The following MYBPC2 variants were observed in gnomAD, a reference collection of about 807,000 sequenced individuals.
MYBPC2 encodes myosin binding protein C2.
MYBPC2 carries 122 observed loss-of-function variants against 137.0 expected under a neutral mutation model. The ratio of observed to expected loss-of-function variants is 0.89; its 90% CI spans 0.77 to 1.03. The LOEUF is 1.03. Ranked by LOEUF, MYBPC2 falls within the 50% of genes least tolerant of loss-of-function variation. The pLI, the probability that MYBPC2 is intolerant of heterozygous loss-of-function variation, is 0.00. For synonymous variants in MYBPC2, 626 were observed against 612.3 expected (o/e 1.02, Z -0.33); for missense variants, 1,500 against 1,534.4 (o/e 0.98, Z 0.37).
rs1420588849 is a variant in MYBPC2, at chr19:50,459,146, C to G, written c.2631C>G (p.Gly877=). 6.9e-6 allele frequency: 11 copies of G among 1,588,052 alleles called. No homozygotes were observed. The highest frequency in any genetic ancestry group is 8.5e-6 in the Non-Finnish European group (10 of 1,169,728). Residue 877 remains glycine, a synonymous_variant, in exon 23 of 28, where the codon GGC becomes GGG. Coordinates refer to ENST00000357701, the MANE Select transcript of MYBPC2 (RefSeq NM_004533.4). ...GGCCCCAGGTGGTGTGGACCAAGGG[C>G]GGGGCCCCGCTGGACACCTCCCGCG... is the stretch of plus-strand genomic sequence containing the variant. The part of the protein sequence containing the change: ...KPRPQVVWTK[G]GAPLDTSRVH...
At chr19:50,447,667 G>A (rs1405675112) in intron 12 of MYBPC2, among the ~76,000 whole-genome samples, 1 of 152,012 alleles carries the variant, frequency 6.6e-6, no homozygotes, top group Non-Finnish European at 1.5e-5. Flanking sequence ...AGACCAGCCT[G>A]GTCAACATGG....
chr19:50,452,464 C>CTGTG (rs796993049), intron 16 of MYBPC2, among the ~76,000 whole-genome samples: 5,956 of 137,980 alleles, frequency 0.043, 163 homozygotes, highest in Middle Eastern at 0.051. Context: ...ATCTATGTAT[C>CTGTG]TGTGTATGTA....
At chr19:50,454,485 G>C in intron 18 of MYBPC2, 116 bp downstream of exon 18, 1 of 902,042 alleles carries the variant, frequency 1.1e-6, no homozygotes, top group Non-Finnish European at 1.6e-6. Context: ...GAGTGCAGTG[G>C]CTCAATCTCG....
chr19:50,437,584 G>C, intron 6 of MYBPC2, 63 bp downstream of exon 6: 1 of 1,593,500 alleles, frequency 6.3e-7, no homozygotes, highest in Non-Finnish European at 8.5e-7. Flanking sequence ...CTTGGAAGGG[G>C]AAAAAGGGAG....
intron 15 of MYBPC2, 117 bp from the exon 16 acceptor site, chr19:50,451,747 A>T (rs2039860590): frequency 7.0e-7 from 1 of 1,437,990 alleles, no homozygotes; most frequent in African/African-American, 1.4e-5. Context: ...GCTTCAGGAC[A>T]TGGATCCCTG....
Position 50,455,264 on chromosome 19 carries a change from C to CTTTTAT in MYBPC2, c.2171_2172insTTTTAT (p.Pro724_Ser725insPheIle), listed in dbSNP as rs773518222. On this transcript the variant is annotated inframe_insertion, in exon 19 of 28. Transcript: ENST00000357701. Reference sequence around the variant, plus strand: ...GTCAATGCTATAGGGGTCTCCCAGCCCAGCATGAACACCAAGCCTTTTATG... The same window carrying CTTTTAT: ...GTCAATGCTATAGGGGTCTCCCAGCCTTTTATCAGCATGAACACCAAGCCTTTTATG... The CTTTTAT allele has an allele frequency of 2.5e-6, 4 of 1,613,750 alleles. No homozygotes were observed. The highest frequency in any genetic ancestry group is 3.4e-6 in the Non-Finnish European group (4 of 1,179,836).
At chr19:50,446,364 T>C (rs972234027) in intron 12 of MYBPC2, among the ~76,000 whole-genome samples, 2 of 147,646 alleles carry the variant, frequency 1.4e-5, no homozygotes, top group Non-Finnish European at 3.0e-5. Context: ...TACAAAAAAA[T>C]TAGCTGGGCA....
At chr19:50,440,674 A>C (rs1036686590) in intron 7 of MYBPC2, among the ~76,000 whole-genome samples, 2 of 151,160 alleles carry the variant, frequency 1.3e-5, no homozygotes, top group Non-Finnish European at 3.0e-5. Context: ...AAAAAAAAAA[A>C]AACCAAAAAA....
intron 15 of MYBPC2, 144 bp from the exon 16 acceptor site, chr19:50,451,720 G>T (rs894803351): frequency 1.9e-5 from 23 of 1,226,824 alleles, no homozygotes; most frequent in Non-Finnish European, 2.5e-5. Context: ...CTGGACTACT[G>T]GGTCTGAGGG....
intron 20 of MYBPC2, among the ~76,000 whole-genome samples, chr19:50,457,355 T>A (rs1455133412): frequency 6.6e-6 from 1 of 152,106 alleles, no homozygotes; most frequent in African/African-American, 2.4e-5. Context: ...CCCCAGCCCA[T>A]GGCCATAAAC....
chr19:50,433,014 C>A, intron 1 of MYBPC2, 42 bp downstream of exon 1: 1 of 1,554,676 alleles, frequency 6.4e-7, no homozygotes. Context: ...TGGGGCTCTT[C>A]TTTTCTGGAT....
intron 26 of MYBPC2, among the ~76,000 whole-genome samples, chr19:50,463,593 G>A (rs188760120): frequency 2.4e-4 from 37 of 152,274 alleles, no homozygotes; most frequent in Non-Finnish European, 7.3e-5. Flanking sequence ...GAAATTTCCT[G>A]TATGTTGGGG....
Position 50,440,853 on chromosome 19 carries a change from GC to G in MYBPC2, c.573-23del, listed in dbSNP as rs753213309. The G allele has an allele frequency of 6.1e-5, 97 of 1,595,072 alleles. No individual in the cohort carries two copies. The African/African-American group carries it at 1.3e-3, about 21-fold the overall frequency. On this transcript the variant is annotated intron_variant, in intron 7 of 27. Transcript: ENST00000357701. The stretch of plus-strand genomic sequence containing the variant: ...ATCCTCCCTTCCTCACTCCCTGATG[GC>G]CCCTGTCCGTTCCCCCACCCGCCAG...
intron 20 of MYBPC2, among the ~76,000 whole-genome samples, chr19:50,455,992 C>T (rs1399338450): frequency 2.6e-5 from 4 of 152,144 alleles, no homozygotes; most frequent in Non-Finnish European, 4.4e-5. Context: ...TAACATCCAC[C>T]CATCCATCCA....
At position 50,466,273 on chromosome 19, in the gene MYBPC2, CTG is replaced by C. The variant is rs1392935991; in HGVS notation, c.*72_*73del. 15 of 1,605,732 alleles carry C rather than the reference CTG, an allele frequency of 9.3e-6. No homozygotes were observed. Among genetic ancestry groups the C allele is most frequent in the African/African-American group, 1.3e-5 (1 of 74,728 alleles). The stretch of plus-strand genomic sequence containing the variant: ...GACCCCAATCCCCAACCTCCCAGGA[CTG>C]TGTTCTTTCTGGAGTTTTCGCTGAG... On this transcript the variant is annotated 3_prime_UTR_variant, in exon 28 of 28. Coordinates refer to ENST00000357701, the MANE Select transcript of MYBPC2 (RefSeq NM_004533.4). The surrounding 1 kb of genome is among the most constrained non-coding windows in gnomAD (Gnocchi z 4.9).
At position 50,454,051 on chromosome 19, in the gene MYBPC2, T is replaced by C. The variant is rs201949605; in HGVS notation, c.1781T>C (p.Ile594Thr). The C allele has an allele frequency of 6.8e-6, 11 of 1,607,396 alleles. No individual in the cohort carries two copies. The African/African-American group carries it at 1.2e-4, about 18-fold the overall frequency. The change falls in exon 17 of 28, where the codon ATC (isoleucine) becomes ACC (threonine). Residue 594 changes from isoleucine to threonine, a missense_variant. Transcript: ENST00000357701. ...VFTTTEGRTR[I>T]EKRVDCSSFV... ...ACGACCACCGAGGGCAGGACCCGCATCGAGAAGCGGGTGGACTGCAGCAGC... is the reference window on the plus strand; with the variant it reads ...ACGACCACCGAGGGCAGGACCCGCACCGAGAAGCGGGTGGACTGCAGCAGC...
chr19:50,452,508 G>GTATGTATCTATC lies in MYBPC2; in HGVS notation c.1749+508_1749+509insGTATCTATCTAT, dbSNP rs1433850781. Among the ~76,000 whole-genome samples the GTATGTATCTATC allele has an allele frequency of 1.2e-3, 133 of 114,746 alleles. 1 individual carries two copies. Among genetic ancestry groups the GTATGTATCTATC allele is most frequent in the Middle Eastern group, 5.0e-3 (1 of 200 alleles). The allele number at this position is 114,746 out of a possible 152,430, so 75.3% of individuals were successfully genotyped here. On this transcript the variant is annotated intron_variant, in intron 16 of 27. Transcript: ENST00000357701. ...TGTATGTATGTATGTATGTATGTAT[G>GTATGTATCTATC]TATCTATCTATCTATCTATCTATCT...
chr19:50,459,893 C>A, intron 23 of MYBPC2, 147 bp from the exon 24 acceptor site: 1 of 1,163,772 alleles, frequency 8.6e-7, no homozygotes, highest in Non-Finnish European at 1.2e-6. Context: ...AGTGGAGAGA[C>A]TGGGATGGGG....
intron 16 of MYBPC2, among the ~76,000 whole-genome samples, chr19:50,453,111 A>G (rs2039876067): frequency 6.6e-6 from 1 of 151,862 alleles, no homozygotes; most frequent in African/African-American, 2.4e-5. Context: ...CATTTTACTT[A>G]AAATTTATTT....
Sources: allele counts gnomAD v4.1 joint callset (sites outside exome capture counted in the v4.1 genomes callset), GRCh38; gene constraint gnomAD v4.1.1; non-coding constraint Gnocchi (gnomAD v3.1); transcripts MANE v1.5; gene names NCBI Gene and HGNC (gene_info 2026-07-23, HGNC 2026-07-21).